TCF4: variants seen among roughly 807,000 people sequenced by gnomAD.
The protein encoded by TCF4 is transcription factor 4, also known as SL3-3 enhancer factor 2.
A neutral mutation model predicts 82.1 loss-of-function variants in TCF4; 3 were observed. The ratio of observed to expected loss-of-function variants is 0.04; its 90% confidence interval spans 0.02 to 0.09. The LOEUF is 0.09. TCF4 is among the 10% of genes least tolerant of loss of function. TCF4 has a pLI of 1.00. For missense variants in TCF4, 518 were observed against 852.7 expected, an observed-to-expected ratio of 0.61 and a Z score of 4.89; for synonymous variants, 276 against 309.6, an observed-to-expected ratio of 0.89 and a Z score of 1.14.
chr18:55,326,401 CAAAAAAA>C (rs59228811), intron 8 of TCF4, among the ~76,000 whole-genome samples: 30 of 26,386 alleles, frequency 1.1e-3, no homozygotes, highest in Non-Finnish European at 2.0e-3. Flanking sequence ...AGAGCAGCAG[CAAAAAAA>C]AAAAAAAAAA....
At chr18:55,507,205 C>A (rs1475206413) in intron 3 of TCF4, among the ~76,000 whole-genome samples, 1 of 152,154 alleles carries the variant, frequency 6.6e-6, no homozygotes, top group Non-Finnish European at 1.5e-5. Flanking sequence ...TTATAGGATG[C>A]ACTTCATGGC....
intron 5 of TCF4, among the ~76,000 whole-genome samples, chr18:55,436,436 A>G (rs1021379194): frequency 7.9e-5 from 12 of 152,242 alleles, no homozygotes; most frequent in Admixed American, 7.9e-4. Flanking sequence ...ATGTAAGAAA[A>G]CAAGTAAATA....
intron 5 of TCF4, among the ~76,000 whole-genome samples, chr18:55,415,493 G>A (rs949833310): frequency 1.3e-5 from 2 of 152,210 alleles, no homozygotes; most frequent in African/African-American, 4.8e-5. Context: ...ACAAGAGCCG[G>A]CTATGGCCAG....
Position 55,559,361 on chromosome 18 carries a change from G to A in TCF4, c.145+25919C>T, listed in dbSNP as rs193083255. Among the ~76,000 whole-genome samples the A allele has an allele frequency of 6.6e-5, 10 of 152,120 alleles. No homozygotes were observed. In the East Asian group the frequency reaches 7.7e-4, roughly 12 times the overall value. On this transcript the variant is annotated intron_variant, in intron 3 of 19. Transcript: ENST00000354452. Reference sequence around the variant, plus strand: ...CCTGTAAAAGTGGAATATGTAGTACGTTGCTAATGTGTAAATGAATAAATA... The same window carrying A: ...CCTGTAAAAGTGGAATATGTAGTACATTGCTAATGTGTAAATGAATAAATA...
At chr18:55,313,291 G>T (rs1030689937) in intron 8 of TCF4, among the ~76,000 whole-genome samples, 1 of 152,088 alleles carries the variant, frequency 6.6e-6, no homozygotes, top group African/African-American at 2.4e-5. Context: ...AAGCCGGGGG[G>T]AGATTAAGTG....
rs926733866 is a variant in TCF4 at position 55,326,960 on chromosome 18, T to G, written c.549+23399A>C. Among the ~76,000 whole-genome samples the G allele has an allele frequency of 3.3e-5, 5 of 152,148 alleles. No homozygotes were observed. The East Asian group carries it at 7.7e-4, about 23-fold the overall frequency. On this transcript the variant is annotated intron_variant, in intron 8 of 19. Coordinates refer to ENST00000354452, the MANE Select transcript of TCF4 (RefSeq NM_001083962.2). ...CCTAATAGGTATGAGTACAACTTCA[T>G]AAAAGATCTAATTACTAACAGGAGG...
intron 18 of TCF4, 55 bp downstream of exon 18, chr18:55,228,792 T>C: frequency 1.3e-6 from 2 of 1,594,104 alleles, no homozygotes; most frequent in South Asian, 1.1e-5. Context: ...CCATCTCAGC[T>C]TGTGCCTGCC....
intron 3 of TCF4, among the ~76,000 whole-genome samples, chr18:55,563,135 A>G (rs1361860073): frequency 6.8e-6 from 1 of 147,784 alleles, no homozygotes; most frequent in East Asian, 2.1e-4. Flanking sequence ...GCTAGTTGGG[A>G]GGTTGAGGTG....
At chr18:55,528,894 T>C (rs1035492272) in intron 3 of TCF4, among the ~76,000 whole-genome samples, 2 of 152,198 alleles carry the variant, frequency 1.3e-5, no homozygotes, top group Admixed American at 6.5e-5. Flanking sequence ...ACAAAAGACC[T>C]TGGCTGGACA....
chr18:55,450,300 T>C (rs74420648), intron 5 of TCF4, among the ~76,000 whole-genome samples: 8,821 of 152,276 alleles, frequency 0.058, 413 homozygotes, highest in South Asian at 0.19. Context: ...TATACTACTT[T>C]CAAATGATGC....
chr18:55,622,334 C>G (rs1024213722), intron 2 of TCF4, among the ~76,000 whole-genome samples: 1 of 150,808 alleles, frequency 6.6e-6, no homozygotes, highest in Non-Finnish European at 1.5e-5. Flanking sequence ...GGGTGAAACC[C>G]CGTCTCTACT....
chr18:55,359,475 T>A (rs1284397047), intron 6 of TCF4, among the ~76,000 whole-genome samples: 1 of 152,208 alleles, frequency 6.6e-6, no homozygotes, highest in Non-Finnish European at 1.5e-5. Flanking sequence ...TCTGATCATC[T>A]TTGTATTCCT....
chr18:55,565,175 A>G (rs952482803), intron 3 of TCF4, among the ~76,000 whole-genome samples: 1 of 152,186 alleles, frequency 6.6e-6, no homozygotes. Context: ...TAGCACAACT[A>G]GTTTCATTGG....
chr18:55,556,983 A>G (rs1391103922), intron 3 of TCF4, among the ~76,000 whole-genome samples: 1 of 152,192 alleles, frequency 6.6e-6, no homozygotes, highest in Non-Finnish European at 1.5e-5. Context: ...GTCTCTGGGA[A>G]TCTAGGAACA....
chr18:55,360,731 C>CCCTTTTT (rs753933037), intron 6 of TCF4, among the ~76,000 whole-genome samples: 1 of 74,276 alleles, frequency 1.3e-5, no homozygotes. Context: ...GCCCCCCACC[C>CCCTTTTT]TTTTTTTTTT....
At chr18:55,292,239 A>G (rs963296868) in intron 8 of TCF4, among the ~76,000 whole-genome samples, 1 of 152,224 alleles carries the variant, frequency 6.6e-6, no homozygotes, top group Non-Finnish European at 1.5e-5. Flanking sequence ...ACATGTGAAC[A>G]ACAGCAATTT....
chr18:55,546,816 A>G, intron 3 of TCF4: 1 of 152,200 alleles, frequency 6.6e-6, no homozygotes, highest in Non-Finnish European at 1.5e-5. Context: ...ACGTTAACAG[A>G]CTTACTTTCA....
intron 2 of TCF4, among the ~76,000 whole-genome samples, chr18:55,596,691 T>G (rs2097691243): frequency 6.6e-6 from 1 of 152,190 alleles, no homozygotes; most frequent in Non-Finnish European, 1.5e-5. Context: ...TTAGATCAAC[T>G]TTTTGTTTTT....
At chr18:55,261,069 C>CTTTTTTTTTTT (rs78112276) in intron 12 of TCF4, 1 of 91,896 alleles carries the variant, frequency 1.1e-5, no homozygotes, top group Non-Finnish European at 2.3e-5. Context: ...CAGTTATTGT[C>CTTTTTTTTTTT]TTTTTTTTTT....
Sources: allele counts gnomAD v4.1 joint callset (sites outside exome capture counted in the v4.1 genomes callset), GRCh38; gene constraint gnomAD v4.1.1; transcripts MANE v1.5; gene names NCBI Gene and HGNC (gene_info 2026-07-23, HGNC 2026-07-21).